Variants in LATS1 observed in about 807,000 individuals in gnomAD.
The protein encoded by LATS1 is serine/threonine-protein kinase LATS1.
LATS1 carries 25 observed loss-of-function variants against 106.6 expected under a neutral mutation model. That is an observed-to-expected ratio of 0.23 (90% CI 0.17 to 0.33). The LOEUF (loss-of-function observed/expected upper bound fraction) is 0.33, where lower values mean the gene tolerates loss of function less well. LATS1 is among the 10% of genes least tolerant of loss of function. The probability of loss-of-function intolerance (pLI) is 1.00; values close to 1 mark genes in which losing one functional copy is unlikely to be tolerated. For missense variants in LATS1, 1,040 were observed against 1,382.6 expected, an observed-to-expected ratio of 0.75 and a Z score of 3.93; for synonymous variants, 465 against 455.6, an observed-to-expected ratio of 1.02 and a Z score of -0.26.
chr6:149,713,883 C>A (rs1289957831), intron 1 of LATS1, among the ~76,000 whole-genome samples: 1 of 152,038 alleles, frequency 6.6e-6, no homozygotes, highest in African/African-American at 2.4e-5. Context: ...TGGTCTTGAA[C>A]TCCTAACCTC....
chr6:149,714,987 T>C (rs1784306486), intron 1 of LATS1, among the ~76,000 whole-genome samples: 1 of 152,240 alleles, frequency 6.6e-6, no homozygotes, highest in Non-Finnish European at 1.5e-5. Context: ...TAAAGTATGA[T>C]AGTTCAACCT....
chr6:149,716,449 T>C (rs552772971), intron 1 of LATS1: 7 of 152,242 alleles, frequency 4.6e-5, no homozygotes, highest in Non-Finnish European at 7.3e-5. Context: ...GAAAATGTTA[T>C]TCAATGACTA....
chr6:149,697,603 G>C (rs1249826862), intron 2 of LATS1, among the ~76,000 whole-genome samples: 2 of 152,132 alleles, frequency 1.3e-5, no homozygotes, highest in African/African-American at 4.8e-5. Flanking sequence ...ATCAGGGAGT[G>C]TTTAATTTTA....
chr6:149,681,947 T>C (rs1782055026), intron 4 of LATS1, among the ~76,000 whole-genome samples: 1 of 152,056 alleles, frequency 6.6e-6, no homozygotes, highest in South Asian at 2.1e-4. Context: ...ACCCCGCCTC[T>C]ACTAAAAATA....
At chr6:149,685,111 A>C (rs1582880149) in intron 3 of LATS1, among the ~76,000 whole-genome samples, 1 of 151,916 alleles carries the variant, frequency 6.6e-6, no homozygotes, top group East Asian at 2.0e-4. Context: ...GGTGGTGTGC[A>C]CCTGTAGTCC....
At chr6:149,687,916 C>G (rs996242233) in intron 3 of LATS1, among the ~76,000 whole-genome samples, 1 of 150,012 alleles carries the variant, frequency 6.7e-6, no homozygotes, top group African/African-American at 2.5e-5. Context: ...CTCTGTCGCC[C>G]AGGCTGGGAG....
intron 7 of LATS1, among the ~76,000 whole-genome samples, chr6:149,666,625 A>G (rs1272755460): frequency 1.4e-5 from 2 of 142,776 alleles, no homozygotes; most frequent in Non-Finnish European, 3.0e-5. Flanking sequence ...CTCTGTCTCA[A>G]AAAAAAAAAA....
chr6:149,716,179 G>C (rs1784379962), intron 1 of LATS1: 1 of 152,060 alleles, frequency 6.6e-6, no homozygotes, highest in African/African-American at 2.4e-5. Context: ...TGTTAATTTG[G>C]GTTGAATTAA....
chr6:149,666,321 A>T (rs1181524634), intron 7 of LATS1, among the ~76,000 whole-genome samples: 4 of 152,034 alleles, frequency 2.6e-5, no homozygotes, highest in Non-Finnish European at 5.9e-5. Context: ...CAAAAACTTG[A>T]AAGTAGCCAT....
At chr6:149,695,256 A>T in intron 2 of LATS1, 35 bp from the exon 3 acceptor site, 2 of 1,414,772 alleles carry the variant, frequency 1.4e-6, no homozygotes, top group African/African-American at 2.9e-5. Flanking sequence ...AAAAGAAACA[A>T]AATTTAAATC....
intron 1 of LATS1, among the ~76,000 whole-genome samples, chr6:149,709,668 C>CT (rs142425039): frequency 0.24 from 17,987 of 75,434 alleles, 4,342 homozygotes; most frequent in East Asian, 0.66. Context: ...AACCCCTTAT[C>CT]TTTTTTTTTT....
In LATS1 at chr6:149,680,387, C is replaced by T. The variant is rs1264217871; in HGVS notation, c.2081G>A (p.Arg694His). ...CTTGTCCATTTTAGCCCTTTTAAGA[C>T]GGATGTAATTAGATTCTTTTTGGCA... ...MLCQKESNYI[R>H]LKRAKMDKSM... The change falls in exon 5 of 8, where the codon CGT (arginine) becomes CAT (histidine). Residue 694 changes from arginine (R) to histidine (H), a missense_variant. Arg to His is a conservative substitution (Grantham distance 29, BLOSUM62 0). Transcript: ENST00000543571. The T allele has an allele frequency of 2.5e-6, 4 of 1,613,838 alleles. No individual in the cohort carries two copies. Among genetic ancestry groups the T allele is most frequent in the East Asian group, 2.2e-5 (1 of 44,860 alleles).
In LATS1 at chr6:149,660,544, T is replaced by C; in HGVS notation, c.*1185A>G. ...TACTATGGTCAAAATGGAGCCTTTT[T>C]CCCCTTCCTAAAAGATAAGCTACAT... On this transcript the variant is annotated 3_prime_UTR_variant, in exon 8 of 8. Coordinates refer to ENST00000543571, the MANE Select transcript of LATS1 (RefSeq NM_004690.4). 4.3e-6 allele frequency: 1 copy of C among 232,976 alleles called. No individual in the cohort carries two copies. 14.4% of individuals were successfully genotyped at this position (232,976 alleles called of 1,614,324 possible).
At chr6:149,663,237 C>A (rs1459868603) in intron 7 of LATS1, among the ~76,000 whole-genome samples, 1 of 152,158 alleles carries the variant, frequency 6.6e-6, no homozygotes, top group South Asian at 2.1e-4. Flanking sequence ...AATCCTAGCA[C>A]TTTGGGAGGC....
chr6:149,715,358 C>T (rs1257985355), intron 1 of LATS1, among the ~76,000 whole-genome samples: 3 of 152,150 alleles, frequency 2.0e-5, no homozygotes, highest in Non-Finnish European at 4.4e-5. Flanking sequence ...TGAGCCACTG[C>T]GCCCGGCTAG....
chr6:149,659,398 T>C lies in LATS1; in HGVS notation c.*2331A>G, dbSNP rs1780809489. 4.8e-6 allele frequency: 1 copy of C among 207,870 alleles called. No homozygotes were observed. The highest frequency in any genetic ancestry group is 2.3e-5 in the African/African-American group (1 of 43,948). 12.9% of individuals were successfully genotyped at this position (207,870 alleles called of 1,614,324 possible). ...CTGCGTGAGCCCCCAAGGTTGAGGATGCAGTGAGCTGTGAAGCGCCACTGC... is the reference window on the plus strand; with the variant it reads ...CTGCGTGAGCCCCCAAGGTTGAGGACGCAGTGAGCTGTGAAGCGCCACTGC... On this transcript the variant is annotated 3_prime_UTR_variant, in exon 8 of 8. Coordinates refer to ENST00000543571, the MANE Select transcript of LATS1 (RefSeq NM_004690.4).
chr6:149,672,653 A>G (rs973263479), intron 7 of LATS1, among the ~76,000 whole-genome samples: 2 of 151,872 alleles, frequency 1.3e-5, no homozygotes, highest in African/African-American at 4.8e-5. Flanking sequence ...ATATAGAAAT[A>G]GATGGATTTT....
chr6:149,676,425 A>T, intron 6 of LATS1, 59 bp from the exon 7 acceptor site: 1 of 1,393,376 alleles, frequency 7.2e-7, no homozygotes, highest in Non-Finnish European at 1.0e-6. Flanking sequence ...AATAAAAATT[A>T]ACATTAAATC....
Position 149,671,974 on chromosome 6 carries a change from C to T in LATS1, c.2883+4286G>A, listed in dbSNP as rs184239068. Among the ~76,000 whole-genome samples, 794 of 151,034 alleles carry T rather than the reference C, an allele frequency of 5.3e-3. 5 individuals are homozygous for T. Among genetic ancestry groups the T allele is most frequent in the Non-Finnish European group, 5.2e-3 (350 of 67,800 alleles). On this transcript the variant is annotated intron_variant, in intron 7 of 7. Coordinates refer to ENST00000543571, the MANE Select transcript of LATS1 (RefSeq NM_004690.4). Reference sequence around the variant, plus strand: ...CACTGTACGGGCTCACTGCAACCTCCTCCTCCCAGATTCAAGCTATTTTCC... The same window carrying T: ...CACTGTACGGGCTCACTGCAACCTCTTCCTCCCAGATTCAAGCTATTTTCC...
Sources: gnomAD v4.1 joint callset for allele counts (sites outside exome capture counted in the v4.1 genomes callset) on GRCh38, gnomAD v4.1.1 for gene constraint, MANE v1.5 for transcripts, NCBI Gene and HGNC (gene_info 2026-07-23, HGNC 2026-07-21) for gene names.